Variants in KLHL8 observed in about 807,000 individuals in gnomAD.
KLHL8 encodes the protein kelch like family member 8, also known as kelch-like protein 8.
A neutral mutation model predicts 63.5 loss-of-function variants in KLHL8; 38 were observed. That is an observed-to-expected ratio of 0.60 (90% CI 0.46 to 0.78). KLHL8 has a LOEUF of 0.78. Among genes scored for constraint, KLHL8 ranks in the 30% least tolerant of loss-of-function variants. The pLI is 0.00. For missense variants in KLHL8, 566 were observed against 752.4 expected (o/e 0.75, Z 2.90); for synonymous variants, 224 against 254.3 (o/e 0.88, Z 1.13).
At chr4:87,227,421 C>T (rs1351365560) in intron 1 of KLHL8, among the ~76,000 whole-genome samples, 1 of 152,142 alleles carries the variant, frequency 6.6e-6, no homozygotes, top group Admixed American at 6.6e-5. Flanking sequence ...ACAAAGGAAG[C>T]TTGAGTCCAG....
chr4:87,215,886 C>T lies in KLHL8; in HGVS notation c.-152+4532G>A, dbSNP rs1004594616. Among the ~76,000 whole-genome samples, 3 of 152,210 alleles carry T rather than the reference C, an allele frequency of 2.0e-5. No homozygotes were observed. The East Asian group carries it at 5.8e-4, about 29-fold the overall frequency. On this transcript the variant is annotated intron_variant, in intron 1 of 9. Coordinates refer to ENST00000273963, the MANE Select transcript of KLHL8 (RefSeq NM_020803.5). ...TAGCAGTACTAAAAGTCAAAGTGAT[C>T]ATCAATTAGGATTTAATAAAATTTT...
At chr4:87,199,021 A>G (rs994141663) in intron 1 of KLHL8, among the ~76,000 whole-genome samples, 3 of 152,230 alleles carry the variant, frequency 2.0e-5, no homozygotes, top group Non-Finnish European at 4.4e-5. Context: ...GTCTCAAGTA[A>G]AGACTTTTTT....
At chr4:87,202,116 AAGAGAAAGT>A in intron 1 of KLHL8, among the ~76,000 whole-genome samples, 1 of 152,118 alleles carries the variant, frequency 6.6e-6, no homozygotes. Flanking sequence ...CAAAAAAAAA[AAGAGAAAGT>A]ATTAAATCAA....
chr4:87,229,624 G>A (rs540372477), intron 1 of KLHL8, among the ~76,000 whole-genome samples: 1 of 151,246 alleles, frequency 6.6e-6, no homozygotes, highest in African/African-American at 2.4e-5. Flanking sequence ...GTAGAGATGG[G>A]TTTCGCCATG....
chr4:87,176,171 C>T (rs540755063), intron 6 of KLHL8, among the ~76,000 whole-genome samples: 12 of 152,304 alleles, frequency 7.9e-5, no homozygotes, highest in African/African-American at 2.9e-4. Flanking sequence ...AAGCCAGGTG[C>T]AGGGTAGGTG....
intron 1 of KLHL8, among the ~76,000 whole-genome samples, chr4:87,238,959 G>C (rs1733282151): frequency 6.6e-6 from 1 of 152,090 alleles, no homozygotes; most frequent in South Asian, 2.1e-4. Flanking sequence ...GGTCTCTCTA[G>C]TGACTTTTTT....
intron 8 of KLHL8, among the ~76,000 whole-genome samples, chr4:87,169,869 A>G (rs1159883131): frequency 2.4e-3 from 5 of 2,084 alleles, no homozygotes; most frequent in African/African-American, 2.8e-3. Context: ...TCTCCCTCTG[A>G]AAAAAAAAAA....
chr4:87,196,341 T>G (rs1731701961), intron 1 of KLHL8, among the ~76,000 whole-genome samples: 1 of 152,268 alleles, frequency 6.6e-6, no homozygotes, highest in South Asian at 2.1e-4. Flanking sequence ...AAAACACTAG[T>G]ATAGCTGCCT....
chr4:87,205,160 A>T (rs956012863), intron 1 of KLHL8, among the ~76,000 whole-genome samples: 2 of 152,216 alleles, frequency 1.3e-5, no homozygotes, highest in Non-Finnish European at 1.5e-5. Context: ...TAATCTCAGC[A>T]CTTTGAGAGG....
In KLHL8 at chr4:87,170,244, T is replaced by C. The variant is rs1229796926; in HGVS notation, c.1378-6A>G. On this transcript the variant is annotated splice_polypyrimidine_tract_variant and splice_region_variant and intron_variant, in intron 7 of 9. Transcript: ENST00000273963. Reference sequence around the variant, plus strand: ...CCTACTGCATAAACATGGTTCTAAATGAAGAGAGTCAAACAAAACACATTA... The same window carrying C: ...CCTACTGCATAAACATGGTTCTAAACGAAGAGAGTCAAACAAAACACATTA... The C allele has an allele frequency of 1.2e-6, 2 of 1,603,306 alleles. No homozygotes were observed. The highest frequency in any genetic ancestry group is 8.5e-7 in the Non-Finnish European group (1 of 1,175,890).
At chr4:87,182,408 C>T (rs1731090753) in intron 4 of KLHL8, among the ~76,000 whole-genome samples, 1 of 151,704 alleles carries the variant, frequency 6.6e-6, no homozygotes, top group Non-Finnish European at 1.5e-5. Flanking sequence ...TCAGGTATTG[C>T]CTTTTGTTGT....
At chr4:87,195,254 G>A in intron 2 of KLHL8, 70 bp downstream of exon 2, 1 of 1,292,686 alleles carries the variant, frequency 7.7e-7, no homozygotes, top group Non-Finnish European at 1.1e-6. Context: ...GCCTTGTATG[G>A]TTACAGAAAC....
At chr4:87,224,987 C>T (rs532245759), upstream of KLHL8, among the ~76,000 whole-genome samples, 16 of 152,162 alleles carry the variant, frequency 1.1e-4, no homozygotes, top group Admixed American at 3.3e-4. Flanking sequence ...TATGTTGCCA[C>T]GGCTGGTCTT....
chr4:87,220,602 C>A lies in KLHL8; in HGVS notation c.-336G>T, dbSNP rs945242891. ...CTTGGCGTCCTCTCGCCTCAGCCCC[C>A]GCGAGCCGCGGCCTCTGGGGGCGGG... On this transcript the variant is annotated 5_prime_UTR_variant, in exon 1 of 10. Coordinates refer to ENST00000273963, the MANE Select transcript of KLHL8 (RefSeq NM_020803.5). 2 of 152,048 alleles carry A rather than the reference C, an allele frequency of 1.3e-5. No homozygotes were observed. The highest frequency in any genetic ancestry group is 6.5e-5 in the Admixed American group (1 of 15,270). 9.4% of individuals were successfully genotyped at this position (152,048 alleles called of 1,614,324 possible).
intron 1 of KLHL8, among the ~76,000 whole-genome samples, chr4:87,229,020 A>C (rs1443762588): frequency 6.6e-6 from 1 of 152,252 alleles, no homozygotes; most frequent in African/African-American, 2.4e-5. Context: ...TTACACTAAA[A>C]AAATTATAAT....
intron 8 of KLHL8, among the ~76,000 whole-genome samples, chr4:87,165,893 C>A (rs954285199): frequency 2.6e-5 from 4 of 152,138 alleles, no homozygotes; most frequent in African/African-American, 9.7e-5. Flanking sequence ...TTAAGTAGAA[C>A]CTGAATGACC....
At position 87,185,432 on chromosome 4, in the gene KLHL8, T is replaced by C; in HGVS notation, c.584A>G (p.His195Arg). The C allele has an allele frequency of 6.2e-7, 1 of 1,614,156 alleles. No individual in the cohort carries two copies. The highest frequency in any genetic ancestry group is 8.5e-7 in the Non-Finnish European group (1 of 1,180,026). ...MDMADQYACD[H>R]FTEVVECEDF... Reference sequence around the variant, plus strand: ...TTCACACTCCACTACTTCAGTAAAATGGTCACAGGCATACTGATCCGCCAT... The same window carrying C: ...TTCACACTCCACTACTTCAGTAAAACGGTCACAGGCATACTGATCCGCCAT... Residue 195 changes from histidine to arginine, a missense_variant, in exon 3 of 10, where the codon CAT becomes CGT. Coordinates refer to ENST00000273963, the MANE Select transcript of KLHL8 (RefSeq NM_020803.5).
At chr4:87,192,743 T>TA (rs80276228) in intron 2 of KLHL8, among the ~76,000 whole-genome samples, 22,544 of 152,128 alleles carry the variant, frequency 0.15, 3,509 homozygotes, top group African/African-American at 0.39. Flanking sequence ...TATAGCCTAT[T>TA]ACATACCTGG....
At chr4:87,190,033 CAAAAAAAAAAA>C (rs35607781) in intron 2 of KLHL8, among the ~76,000 whole-genome samples, 1 of 76,762 alleles carries the variant, frequency 1.3e-5, no homozygotes, top group Non-Finnish European at 2.3e-5. Flanking sequence ...GCCTCCATCT[CAAAAAAAAAAA>C]AAAAAAAAAG....
Sources: gnomAD v4.1 joint callset for allele counts (sites outside exome capture counted in the v4.1 genomes callset) on GRCh38, gnomAD v4.1.1 for gene constraint, MANE v1.5 for transcripts, NCBI Gene and HGNC (gene_info 2026-07-23, HGNC 2026-07-21) for gene names.